The following ATP6V1H variants were observed in gnomAD, a reference collection of about 807,000 sequenced individuals.
ATP6V1H encodes the protein V-type proton ATPase subunit H.
Under a neutral mutation model 71.7 loss-of-function variants are expected in ATP6V1H, and 39 were observed. The observed-to-expected ratio is 0.54, with a 90% CI of 0.42 to 0.71. The LOEUF is 0.71. Among genes scored for constraint, ATP6V1H ranks in the 30% least tolerant of loss-of-function variants. ATP6V1H has a pLI of 0.00. For missense variants in ATP6V1H, 509 were observed against 594.9 expected, an observed-to-expected ratio of 0.86 and a Z score of 1.50; for synonymous variants, 192 against 199.3, an observed-to-expected ratio of 0.96 and a Z score of 0.31.
intron 13 of ATP6V1H, among the ~76,000 whole-genome samples, chr8:53,736,105 T>A (rs1319495199): frequency 2.6e-5 from 4 of 152,254 alleles, no homozygotes; most frequent in African/African-American, 7.2e-5. Flanking sequence ...TCTTGTATAC[T>A]GTTTTACTAT....
rs560006568 is a variant in ATP6V1H, at chr8:53,750,826, T to G, written c.1277+5729A>C. Among the ~76,000 whole-genome samples the G allele has an allele frequency of 6.0e-5, 9 of 151,174 alleles. No homozygotes were observed. The East Asian group carries it at 7.8e-4, about 13-fold the overall frequency. On this transcript the variant is annotated intron_variant, in intron 12 of 13. Coordinates refer to ENST00000359530, the MANE Select transcript of ATP6V1H (RefSeq NM_015941.4). ...AAAAATCCCATGATAACAAAAAGAG[T>G]GTAGAAGAACAACTGCTATTGCTTG...
chr8:53,832,325 A>G lies in ATP6V1H; in HGVS notation c.216+659T>C, dbSNP rs115090592. ...TAACTTTTTTCTTTTGCTTAATAGT[A>G]TTTTATTTTTCTACAATAAACTTAC... On this transcript the variant is annotated intron_variant, in intron 3 of 13. Transcript: ENST00000359530. 3.2e-3 allele frequency: 485 copies of G among 152,236 alleles called. 3 individuals carry two copies. Among genetic ancestry groups the G allele is most frequent in the African/African-American group, 0.011 (462 of 41,562 alleles). The allele number at this position is 152,236 out of a possible 1,614,324, so 9.4% of individuals were successfully genotyped here.
chr8:53,828,687 C>T (rs752367114), intron 4 of ATP6V1H, among the ~76,000 whole-genome samples: 3 of 152,138 alleles, frequency 2.0e-5, no homozygotes, highest in Non-Finnish European at 4.4e-5. Flanking sequence ...CACCATTCTG[C>T]CCAACCTTTG....
chr8:53,831,311 T>G (rs1030956575), intron 3 of ATP6V1H, among the ~76,000 whole-genome samples: 2 of 152,152 alleles, frequency 1.3e-5, no homozygotes, highest in Non-Finnish European at 2.9e-5. Flanking sequence ...ACCTGTACAG[T>G]CTGTAACTAT....
chr8:53,839,855 A>G, intron 2 of ATP6V1H: 1 of 985,522 alleles, frequency 1.0e-6, no homozygotes, highest in South Asian at 4.7e-5. Flanking sequence ...CAGCTTGAAA[A>G]GCACTGACTG....
chr8:53,841,371 A>T (rs1811335278), intron 2 of ATP6V1H, among the ~76,000 whole-genome samples: 1 of 152,138 alleles, frequency 6.6e-6, no homozygotes, highest in African/African-American at 2.4e-5. Context: ...AAAGCACCAT[A>T]AGCCGCTCTG....
At position 53,743,255 on chromosome 8, in the gene ATP6V1H, G is replaced by A. The variant is rs181468355; in HGVS notation, c.1391+322C>T. Among the ~76,000 whole-genome samples the A allele has an allele frequency of 3.3e-3, 499 of 152,200 alleles. 1 individual carries two copies. Among genetic ancestry groups the A allele is most frequent in the African/African-American group, 0.011 (438 of 41,532 alleles). ...TAGGTAAGCCTTGCAAAATTGTGGC[G>A]TCTCTAAAGGAATCAGTAGTCCAAC... On this transcript the variant is annotated intron_variant, in intron 13 of 13. Transcript: ENST00000359530.
chr8:53,828,994 G>A (rs1363924575), intron 4 of ATP6V1H, among the ~76,000 whole-genome samples: 1 of 152,104 alleles, frequency 6.6e-6, no homozygotes, highest in African/African-American at 2.4e-5. Flanking sequence ...TATGCAACTG[G>A]AAACGTTTTC....
At chr8:53,809,512 A>G (rs1185219600) in intron 7 of ATP6V1H, among the ~76,000 whole-genome samples, 1 of 152,042 alleles carries the variant, frequency 6.6e-6, no homozygotes, top group Admixed American at 6.6e-5. Flanking sequence ...ACTCACAATC[A>G]CTCCTGATGT....
At chr8:53,829,235 G>T (rs1159478561) in intron 4 of ATP6V1H, among the ~76,000 whole-genome samples, 1 of 152,106 alleles carries the variant, frequency 6.6e-6, no homozygotes, top group Non-Finnish European at 1.5e-5. Context: ...TTGATTACTT[G>T]GTGTTCTGAA....
intron 12 of ATP6V1H, among the ~76,000 whole-genome samples, chr8:53,744,722 C>T (rs1156435323): frequency 3.3e-5 from 5 of 152,038 alleles, no homozygotes; most frequent in Non-Finnish European, 5.9e-5. Context: ...ATGCACTGAA[C>T]TGAGGGGAAA....
chr8:53,816,710 C>T (rs1395010130), intron 5 of ATP6V1H, among the ~76,000 whole-genome samples: 6 of 151,996 alleles, frequency 3.9e-5, no homozygotes, highest in Non-Finnish European at 8.8e-5. Flanking sequence ...GCAGGAGAAT[C>T]GCTTGAACCC....
intron 2 of ATP6V1H, among the ~76,000 whole-genome samples, chr8:53,840,970 A>G (rs946020886): frequency 6.6e-6 from 1 of 152,206 alleles, no homozygotes; most frequent in African/African-American, 2.4e-5. Context: ...GGGGGAACTA[A>G]AATGTATTGT....
intron 11 of ATP6V1H, among the ~76,000 whole-genome samples, chr8:53,764,463 T>C (rs190011900): frequency 6.6e-6 from 1 of 152,212 alleles, no homozygotes; most frequent in East Asian, 1.9e-4. Context: ...ATTTGACAAA[T>C]TTAACATCCA....
Position 53,754,784 on chromosome 8 carries a change from A to C in ATP6V1H, c.1277+1771T>G, listed in dbSNP as rs531269915. Among the ~76,000 whole-genome samples the C allele has an allele frequency of 5.4e-4, 82 of 152,338 alleles. No individual in the cohort carries two copies. In the Middle Eastern group the frequency reaches 0.014, roughly 25 times the overall value. ...CAAGTGGGACCTTCATGAGTTAGTG[A>C]AACAGGCTGAGTGGCCTCCTAGCTG... is the stretch of plus-strand genomic sequence containing the variant. On this transcript the variant is annotated intron_variant, in intron 12 of 13. Coordinates refer to ENST00000359530, the MANE Select transcript of ATP6V1H (RefSeq NM_015941.4).
chr8:53,730,478 T>C (rs895460893), intron 13 of ATP6V1H, among the ~76,000 whole-genome samples: 2 of 152,204 alleles, frequency 1.3e-5, no homozygotes, highest in Admixed American at 1.3e-4. Flanking sequence ...ATTAAAATAT[T>C]GCAAAGTTTT....
At chr8:53,807,664 C>T (rs536842288) in intron 7 of ATP6V1H, among the ~76,000 whole-genome samples, 1 of 152,220 alleles carries the variant, frequency 6.6e-6, no homozygotes, top group African/African-American at 2.4e-5. Flanking sequence ...ATGGGGAAGA[C>T]TGTTAATGTG....
chr8:53,732,433 C>T (rs1009017677), intron 13 of ATP6V1H, among the ~76,000 whole-genome samples: 3 of 152,012 alleles, frequency 2.0e-5, no homozygotes, highest in African/African-American at 7.2e-5. Flanking sequence ...TTAAGCTAAC[C>T]CCTCACAGGT....
chr8:53,837,555 A>C (rs1305390226), intron 2 of ATP6V1H, among the ~76,000 whole-genome samples: 1 of 152,042 alleles, frequency 6.6e-6, no homozygotes, highest in Non-Finnish European at 1.5e-5. Flanking sequence ...AGCCACACAA[A>C]TGAAGTGAAT....
Sources: allele counts gnomAD v4.1 joint callset (sites outside exome capture counted in the v4.1 genomes callset), GRCh38; gene constraint gnomAD v4.1.1; transcripts MANE v1.5; gene names NCBI Gene and HGNC (gene_info 2026-07-23, HGNC 2026-07-21).